Variants in PLXDC2 observed in about 807,000 individuals in gnomAD.
PLXDC2 encodes the protein plexin domain-containing protein 2.
PLXDC2 carries 40 observed loss-of-function variants against 68.9 expected under a neutral mutation model. The ratio of observed to expected loss-of-function variants is 0.58; its 90% confidence interval spans 0.45 to 0.76. PLXDC2 has a LOEUF of 0.76. Among genes scored for constraint, PLXDC2 ranks in the 30% least tolerant of loss-of-function variants. PLXDC2 has a pLI of 0.00. For synonymous variants in PLXDC2, 243 were observed against 234.2 expected, an observed-to-expected ratio of 1.04 and a Z score of -0.34; for missense variants, 644 against 661.9, an observed-to-expected ratio of 0.97 and a Z score of 0.30.
At chr10:19,855,241 G>C (rs916305917) in intron 1 of PLXDC2, among the ~76,000 whole-genome samples, 1 of 152,006 alleles carries the variant, frequency 6.6e-6, no homozygotes, top group Non-Finnish European at 1.5e-5. Context: ...TGTTGTTGTT[G>C]TTGTTCTGTG....
At chr10:20,204,556 A>G (rs1834964628) in intron 9 of PLXDC2, among the ~76,000 whole-genome samples, 1 of 152,182 alleles carries the variant, frequency 6.6e-6, no homozygotes, top group African/African-American at 2.4e-5. Flanking sequence ...CCCTAAGGCT[A>G]AAAGGATCAT....
intron 6 of PLXDC2, among the ~76,000 whole-genome samples, chr10:20,157,181 G>T (rs184499874): frequency 1.4e-3 from 210 of 152,352 alleles, no homozygotes; most frequent in Non-Finnish European, 1.6e-3. Context: ...AAGGGTTACA[G>T]GCAGATAAGA....
chr10:20,104,270 T>C (rs1833461039), intron 4 of PLXDC2, among the ~76,000 whole-genome samples: 1 of 152,172 alleles, frequency 6.6e-6, no homozygotes, highest in South Asian at 2.1e-4. Context: ...TTCTGGGCAA[T>C]AGGATCAAAT....
At chr10:19,898,607 T>A (rs1434928008) in intron 1 of PLXDC2, among the ~76,000 whole-genome samples, 2 of 152,160 alleles carry the variant, frequency 1.3e-5, no homozygotes, top group African/African-American at 4.8e-5. Flanking sequence ...GACATTAATT[T>A]AGAGATTAAT....
chr10:20,180,603 A>T (rs1834590389), intron 9 of PLXDC2, among the ~76,000 whole-genome samples: 1 of 152,062 alleles, frequency 6.6e-6, no homozygotes, highest in African/African-American at 2.4e-5. Flanking sequence ...GTGCTTACTT[A>T]TCCCTGAATG....
intron 1 of PLXDC2, among the ~76,000 whole-genome samples, chr10:19,869,086 C>A (rs1033152103): frequency 2.0e-5 from 3 of 152,048 alleles, no homozygotes; most frequent in Non-Finnish European, 4.4e-5. Flanking sequence ...TGGCTCTATA[C>A]TTTTCAACCT....
intron 9 of PLXDC2, among the ~76,000 whole-genome samples, chr10:20,192,248 G>C (rs1273211774): frequency 2.0e-5 from 3 of 152,002 alleles, no homozygotes; most frequent in Non-Finnish European, 4.4e-5. Flanking sequence ...GCACAGACTG[G>C]CTAATCAATC....
intron 4 of PLXDC2, among the ~76,000 whole-genome samples, chr10:20,130,853 T>C (rs1348664419): frequency 1.3e-5 from 2 of 152,174 alleles, no homozygotes; most frequent in Non-Finnish European, 2.9e-5. Flanking sequence ...TAGTGATCCT[T>C]TTAATGTGCT....
At chr10:19,829,256 G>A (rs1457336972) in intron 1 of PLXDC2, among the ~76,000 whole-genome samples, 1 of 138,706 alleles carries the variant, frequency 7.2e-6, no homozygotes, top group Non-Finnish European at 1.5e-5. Flanking sequence ...AATTACTTGT[G>A]CCTGCATTTG....
Position 20,097,294 on chromosome 10 carries a change from A to G in PLXDC2, c.541+29055A>G, listed in dbSNP as rs138885030. ...TTCACAGCTAGTGCTGACTTTGATG[A>G]AAGAGACCTCATAGTCTGAAAATAG... On this transcript the variant is annotated intron_variant, in intron 4 of 13. Transcript: ENST00000377252. 1.6e-3 allele frequency among the ~76,000 whole-genome samples: 239 copies of G among 152,294 alleles called. 1 individual carries two copies. The highest frequency in any genetic ancestry group is 2.4e-3 in the Non-Finnish European group (166 of 68,016).
intron 1 of PLXDC2, among the ~76,000 whole-genome samples, chr10:19,892,858 C>T (rs79401846): frequency 0.042 from 6,380 of 151,540 alleles, 213 homozygotes; most frequent in South Asian, 0.13. Context: ...ACAGTACGAG[C>T]TAAGACCCAA....
intron 1 of PLXDC2, among the ~76,000 whole-genome samples, chr10:19,856,111 A>T (rs995761756): frequency 6.6e-6 from 1 of 152,130 alleles, no homozygotes; most frequent in African/African-American, 2.4e-5. Context: ...TAAAAAAACA[A>T]AAACAAAAAT....
chr10:19,940,088 G>A (rs1307644066), intron 1 of PLXDC2, among the ~76,000 whole-genome samples: 5 of 151,682 alleles, frequency 3.3e-5, no homozygotes, highest in Admixed American at 6.6e-5. Context: ...ATAGTCATGC[G>A]AAAGAATCTC....
intron 4 of PLXDC2, among the ~76,000 whole-genome samples, chr10:20,135,508 A>G (rs1389229121): frequency 6.6e-6 from 1 of 152,192 alleles, no homozygotes; most frequent in Non-Finnish European, 1.5e-5. Context: ...GAAATCAACA[A>G]TTTTGTTGTT....
At chr10:20,273,754 C>T (rs935194041) in intron 13 of PLXDC2, among the ~76,000 whole-genome samples, 17 of 152,120 alleles carry the variant, frequency 1.1e-4, no homozygotes, top group African/African-American at 2.9e-4. Flanking sequence ...CAATGGCTCA[C>T]GCGTGTAATC....
Position 20,185,821 on chromosome 10 carries a change from C to T in PLXDC2, c.1061+8412C>T, listed in dbSNP as rs149983600. On this transcript the variant is annotated intron_variant, in intron 9 of 13. Coordinates refer to ENST00000377252, the MANE Select transcript of PLXDC2 (RefSeq NM_032812.9). Reference sequence around the variant, plus strand: ...AAGCTATGTAGGAAATCCAAGAGCCCGGTTCTAAAATTAATTACAACTTTA... The same window carrying T: ...AAGCTATGTAGGAAATCCAAGAGCCTGGTTCTAAAATTAATTACAACTTTA... 1.3e-3 allele frequency among the ~76,000 whole-genome samples: 197 copies of T among 151,920 alleles called. 2 individuals carry two copies. The highest frequency in any genetic ancestry group is 4.3e-3 in the African/African-American group (179 of 41,470).
At chr10:19,990,954 A>C (rs1834737969) in intron 1 of PLXDC2, among the ~76,000 whole-genome samples, 1 of 152,184 alleles carries the variant, frequency 6.6e-6, no homozygotes. Context: ...TAGTATTGAA[A>C]GTATGATTCA....
At chr10:20,001,678 G>C (rs189711601) in intron 1 of PLXDC2, 97 bp from the exon 2 acceptor site, 4 of 1,058,638 alleles carry the variant, frequency 3.8e-6, no homozygotes, top group Admixed American at 2.2e-5. Context: ...TCCTATTCTC[G>C]TGCCTCACAG....
intron 2 of PLXDC2, among the ~76,000 whole-genome samples, chr10:20,004,139 G>A (rs1387874293): frequency 6.6e-6 from 1 of 152,154 alleles, no homozygotes; most frequent in Admixed American, 6.5e-5. Context: ...TAGTATCAAG[G>A]CATCATTTTG....
Sources: gnomAD v4.1 joint callset for allele counts (sites outside exome capture counted in the v4.1 genomes callset) on GRCh38, gnomAD v4.1.1 for gene constraint, MANE v1.5 for transcripts, NCBI Gene and HGNC (gene_info 2026-07-23, HGNC 2026-07-21) for gene names.